Variants in BRIX1 observed in about 807,000 individuals in gnomAD.
The protein encoded by BRIX1 is biogenesis of ribosomes BRX1.
Under a neutral mutation model 44.0 loss-of-function variants are expected in BRIX1, and 15 were observed. The observed-to-expected ratio is 0.34, with a 90% CI of 0.23 to 0.53. The LOEUF (loss-of-function observed/expected upper bound fraction) is 0.53. Among genes scored for constraint, BRIX1 ranks in the 20% least tolerant of loss-of-function variants. BRIX1 has a pLI of 0.95. For missense variants in BRIX1, 420 were observed against 432.8 expected (o/e 0.97, Z 0.26); for synonymous variants, 149 against 135.4 (o/e 1.10, Z -0.70).
At chr5:34,919,914 T>C in intron 3 of BRIX1, 31 bp downstream of exon 3, 1 of 873,618 alleles carries the variant, frequency 1.1e-6, no homozygotes, top group Non-Finnish European at 1.8e-6. Flanking sequence ...CAACAAAATA[T>C]TTTTAAAATG....
At chr5:34,921,250 G>A (rs1487669438) in intron 3 of BRIX1, 4 of 152,246 alleles carry the variant, frequency 2.6e-5, no homozygotes, top group East Asian at 3.9e-4. Flanking sequence ...TAATGTTTTT[G>A]TGTCTTCTCA....
chr5:34,922,484 T>C, intron 4 of BRIX1, 55 bp from the exon 5 acceptor site: 1 of 1,095,786 alleles, frequency 9.1e-7, no homozygotes, highest in Non-Finnish European at 1.4e-6. Flanking sequence ...GAATAGGTGG[T>C]AAGCATTGAC....
intron 3 of BRIX1, chr5:34,921,882 G>A: frequency 6.3e-6 from 1 of 159,886 alleles, no homozygotes; most frequent in Non-Finnish European, 1.3e-5. Context: ...ACTCCAGCCT[G>A]GGCAACAAGA....
At chr5:34,917,367 C>T (rs1764136641) in intron 1 of BRIX1, among the ~76,000 whole-genome samples, 1 of 152,162 alleles carries the variant, frequency 6.6e-6, no homozygotes, top group Non-Finnish European at 1.5e-5. Context: ...AGCGTGGTGG[C>T]TCACGCCTGT....
At chr5:34,918,193 T>C (rs1411122828) in intron 1 of BRIX1, 171 bp from the exon 2 acceptor site, 1 of 438,002 alleles carries the variant, frequency 2.3e-6, no homozygotes, top group Non-Finnish European at 4.1e-6. Flanking sequence ...GCCTGTAGTC[T>C]CCAGCTACTG....
rs762694741 is a variant in BRIX1 at position 34,922,634 on chromosome 5, A to T, written c.436+46A>T. 3.1e-6 allele frequency: 5 copies of T among 1,588,956 alleles called. No homozygotes were observed. In the Admixed American group the frequency reaches 5.0e-5, roughly 16 times the overall value. On this transcript the variant is annotated intron_variant, in intron 5 of 9. Transcript: ENST00000336767. ...TTTTTAGATGAGGAAATTAAAAGTAATCTTTTGAAATAGTTGTGCAAAAGT... is the reference window on the plus strand; with the variant it reads ...TTTTTAGATGAGGAAATTAAAAGTATTCTTTTGAAATAGTTGTGCAAAAGT...
Position 34,924,856 on chromosome 5 carries a change from GA to G in BRIX1, c.675del (p.Asp226MetfsTer5), listed in dbSNP as rs1325882967. 6.2e-7 allele frequency: 1 copy of G among 1,601,618 alleles called. No individual in the cohort carries two copies. Among genetic ancestry groups the G allele is most frequent in the Non-Finnish European group, 8.6e-7 (1 of 1,169,402 alleles). On this transcript the variant is annotated frameshift_variant, in exon 9 of 10. Transcript: ENST00000336767. LOFTEE classifies it high-confidence loss of function. ...IWFRNFQIIE[E>X]DAALVEIGPR... ...TTCCTTTTTATTAAAGATCATAGAA[GA>G]AGATGCTGCTCTTGTAGAAATAGGA...
intron 4 of BRIX1, 75 bp downstream of exon 4, chr5:34,922,362 TC>T (rs1487982184): frequency 9.9e-7 from 1 of 1,009,170 alleles, no homozygotes; most frequent in Middle Eastern, 2.2e-4. Context: ...TGTTATAGAC[TC>T]CTAGTGTTTC....
In BRIX1 at chr5:34,922,527, C is replaced by T; in HGVS notation, c.387-12C>T. ...GCTAATTAGTTGAAAAAGCTTACTC[C>T]ATATCTTTCAGGCTTTCAAATTCAC... On this transcript the variant is annotated splice_polypyrimidine_tract_variant and intron_variant, in intron 4 of 9. Coordinates refer to ENST00000336767, the MANE Select transcript of BRIX1 (RefSeq NM_018321.4). 6.3e-7 allele frequency: 1 copy of T among 1,581,346 alleles called. No homozygotes were observed. Among genetic ancestry groups the T allele is most frequent in the South Asian group, 1.1e-5 (1 of 90,132 alleles).
chr5:34,925,483 GA>G lies in BRIX1; in HGVS notation c.1054del (p.Thr352GlnfsTer8). 1.1e-5 allele frequency: 18 copies of G among 1,609,514 alleles called. No individual in the cohort carries two copies. The highest frequency in any genetic ancestry group is 1.4e-5 in the Non-Finnish European group (17 of 1,178,334). On this transcript the variant is annotated frameshift_variant, in exon 10 of 10. Transcript: ENST00000336767. LOFTEE classifies it high-confidence loss of function. ...RKMKQRMDSG[K>X]TK The stretch of plus-strand genomic sequence containing the variant: ...AAATGAAACAGAGGATGGACAGTGG[GA>G]AAACAAAATAAGTCAATGGAAACCT...
intron 1 of BRIX1, 28 bp from the exon 2 acceptor site, chr5:34,918,336 A>G (rs1390560821): frequency 8.3e-7 from 1 of 1,200,812 alleles, no homozygotes; most frequent in Non-Finnish European, 1.2e-6. Flanking sequence ...AAGATTTTAA[A>G]ATCTTTTAAC....
chr5:34,925,183 A>C, intron 9 of BRIX1, 43 bp from the exon 10 acceptor site: 1 of 1,500,120 alleles, frequency 6.7e-7, no homozygotes. Flanking sequence ...TAAAATGTTT[A>C]TTTTTATTTC....
In BRIX1 at chr5:34,915,786, G is replaced by A. The variant is rs1580509875; in HGVS notation, c.48G>A (p.Ala16=). 1.9e-6 allele frequency: 3 copies of A among 1,596,568 alleles called. No homozygotes were observed. The African/African-American group carries it at 4.0e-5, about 21-fold the overall frequency. ...RKRRGGFAVQ[A]KKPKRNEIDA... ...GGCGTGGAGGCTTTGCAGTTCAGGC[G>A]AAGAAGCCAAAAAGAAACGAAATAG... The change falls in exon 1 of 10, where the codon GCG becomes GCA. Residue 16 remains alanine, a synonymous_variant. Coordinates refer to ENST00000336767, the MANE Select transcript of BRIX1 (RefSeq NM_018321.4).
intron 8 of BRIX1, among the ~76,000 whole-genome samples, chr5:34,924,163 G>C (rs145007383): frequency 5.3e-5 from 8 of 152,342 alleles, no homozygotes; most frequent in African/African-American, 1.9e-4. Context: ...GGTGACTCTA[G>C]AAATCTTGAA....
rs944012624 is a variant in BRIX1, at chr5:34,923,358, C to T, written c.663+124C>T. ...GCAGTGGCACAATCTTGGCTCACTG[C>T]AACCTCCACCTCCCGGGTTCAAGCT... On this transcript the variant is annotated intron_variant, in intron 8 of 9. Coordinates refer to ENST00000336767, the MANE Select transcript of BRIX1 (RefSeq NM_018321.4). 9 of 693,848 alleles carry T rather than the reference C, an allele frequency of 1.3e-5. No homozygotes were observed. The African/African-American group carries it at 1.4e-4, about 11-fold the overall frequency. The allele number at this position is 693,848 out of a possible 1,614,324, so 43.0% of individuals were successfully genotyped here. A position where few individuals can be genotyped will look rare whatever the true frequency, so the allele number is the denominator to read the frequency against.
intron 8 of BRIX1, among the ~76,000 whole-genome samples, chr5:34,924,005 ATAGAAGTTTCTCTCTCAAAGCT>A (rs576574455): frequency 2.0e-4 from 30 of 152,332 alleles, no homozygotes; most frequent in East Asian, 1.4e-3. Flanking sequence ...ATACAGTAAA[ATAGAAGTTTCTCTCTCAAAGCT>A]TAGAAGTTTC....
intron 3 of BRIX1, chr5:34,921,310 G>A (rs1032703529): frequency 2.0e-5 from 3 of 152,092 alleles, no homozygotes; most frequent in Non-Finnish European, 2.9e-5. Context: ...TTTGAAATAG[G>A]TTTGATATAC....
rs1250700560 is a variant in BRIX1 at position 34,915,804 on chromosome 5, C to T, written c.66C>T (p.Asn22=). Residue 22 remains asparagine (N), a synonymous_variant, in exon 1 of 10, where the codon AAC becomes AAT. Coordinates refer to ENST00000336767, the MANE Select transcript of BRIX1 (RefSeq NM_018321.4). ...TTCAGGCGAAGAAGCCAAAAAGAAA[C>T]GAAATAGATGCGGAGCCGCCAGCTA... is the stretch of plus-strand genomic sequence containing the variant. The part of the protein sequence containing the change: ...FAVQAKKPKR[N]EIDAEPPAKR... 1.3e-6 allele frequency: 2 copies of T among 1,587,326 alleles called. No individual in the cohort carries two copies. Among genetic ancestry groups the T allele is most frequent in the African/African-American group, 1.3e-5 (1 of 74,296 alleles).
intron 3 of BRIX1, chr5:34,921,282 C>CA (rs1764231528): frequency 6.6e-6 from 1 of 152,108 alleles, no homozygotes. Context: ...TGTAAGCCTT[C>CA]AAGACATTGA....
Sources: gnomAD v4.1 joint callset for allele counts (sites outside exome capture counted in the v4.1 genomes callset) on GRCh38, gnomAD v4.1.1 for gene constraint, MANE v1.5 for transcripts, NCBI Gene and HGNC (gene_info 2026-07-23, HGNC 2026-07-21) for gene names.